The following CYP51A1 variants were observed in gnomAD, a reference collection of about 807,000 sequenced individuals.
CYP51A1 encodes the protein cytochrome P450 family 51 subfamily A member 1, also known as lanosterol 14-alpha demethylase.
A neutral mutation model predicts 53.5 loss-of-function variants in CYP51A1; 45 were observed. The observed-to-expected ratio is 0.84, with a 90% CI of 0.66 to 1.08. CYP51A1 has a LOEUF of 1.08. Ranked by LOEUF, CYP51A1 falls within the 50% of genes least tolerant of loss-of-function variation. CYP51A1 has a pLI of 0.00. For synonymous variants in CYP51A1, 181 were observed against 217.7 expected (o/e 0.83, Z 1.48); for missense variants, 462 against 621.7 (o/e 0.74, Z 2.73).
intron 7 of CYP51A1, 67 bp from the exon 8 acceptor site, chr7:92,118,682 A>C: frequency 1.1e-6 from 1 of 914,070 alleles, no homozygotes; most frequent in Non-Finnish European, 1.8e-6. Flanking sequence ...AAATTAGTTT[A>C]ACTTCTTAGT....
chr7:92,117,000 G>A (rs779302324), intron 9 of CYP51A1, 44 bp downstream of exon 9: 22 of 1,528,208 alleles, frequency 1.4e-5, no homozygotes, highest in Middle Eastern at 2.4e-4. Context: ...AGACAAATAT[G>A]TTATCAGAAC....
At chr7:92,125,928 G>A (rs943568706) in intron 5 of CYP51A1, among the ~76,000 whole-genome samples, 3 of 152,108 alleles carry the variant, frequency 2.0e-5, no homozygotes, top group African/African-American at 4.8e-5. Context: ...ACAGGAGGCA[G>A]AGACTGCAGT....
chr7:92,118,042 T>C (rs1189878092), intron 8 of CYP51A1, among the ~76,000 whole-genome samples: 3 of 151,930 alleles, frequency 2.0e-5, no homozygotes, highest in East Asian at 1.9e-4. Context: ...GGTAAAAATA[T>C]GTTTTTAGAG....
In CYP51A1 at chr7:92,134,353, C is replaced by T. The variant is rs371679799; in HGVS notation, c.12G>A (p.Ala4=). MAA[A]AGMLLLGLLQ... ...GCAAGCCCAGCAGCAGCATCCCAGCCGCCGCCGCCATTCACTCCGTCGGAA... is the reference window on the plus strand; with the variant it reads ...GCAAGCCCAGCAGCAGCATCCCAGCTGCCGCCGCCATTCACTCCGTCGGAA... The change falls in exon 1 of 10, where the codon GCG becomes GCA. Residue 4 remains alanine, a synonymous_variant. Coordinates refer to ENST00000003100, the MANE Select transcript of CYP51A1 (RefSeq NM_000786.4). The T allele has an allele frequency of 7.6e-6, 12 of 1,578,684 alleles. No homozygotes were observed. Among genetic ancestry groups the T allele is most frequent in the Non-Finnish European group, 9.5e-6 (11 of 1,159,218 alleles).
chr7:92,124,914 C>A (rs901020399), intron 5 of CYP51A1, among the ~76,000 whole-genome samples: 1 of 152,098 alleles, frequency 6.6e-6, no homozygotes, highest in Non-Finnish European at 1.5e-5. Context: ...GAGGCCGAGG[C>A]GGGCGGATCA....
At chr7:92,133,258 A>ATTTT (rs57353833) in intron 1 of CYP51A1, among the ~76,000 whole-genome samples, 13 of 146,228 alleles carry the variant, frequency 8.9e-5, no homozygotes, top group African/African-American at 3.0e-4. Context: ...GAAGAAAATG[A>ATTTT]TTTTTTTTTT....
At chr7:92,127,128 C>G (rs1819816513) in intron 4 of CYP51A1, among the ~76,000 whole-genome samples, 1 of 152,172 alleles carries the variant, frequency 6.6e-6, no homozygotes, top group Non-Finnish European at 1.5e-5. Context: ...ACATCAGTTT[C>G]TTGTATGGTT....
chr7:92,131,764 G>A lies in CYP51A1; in HGVS notation c.291+10C>T. On this transcript the variant is annotated intron_variant, in intron 2 of 9. Coordinates refer to ENST00000003100, the MANE Select transcript of CYP51A1 (RefSeq NM_000786.4). ...TTTTTTTTTTTCCTCTAATTATTTG[G>A]AAGACTTACCTTCTCATATGCATTT... The A allele has an allele frequency of 7.7e-7, 1 of 1,302,434 alleles. No individual in the cohort carries two copies. 80.7% of individuals were successfully genotyped at this position (1,302,434 alleles called of 1,614,324 possible).
chr7:92,118,723 A>C (rs1433633432), intron 7 of CYP51A1, 108 bp from the exon 8 acceptor site: 13 of 676,810 alleles, frequency 1.9e-5, no homozygotes, highest in Non-Finnish European at 3.5e-5. Context: ...TCCAGCTAAA[A>C]GTACAGAGGT....
intron 8 of CYP51A1, among the ~76,000 whole-genome samples, chr7:92,117,877 A>ACTC (rs1819609372): frequency 6.6e-6 from 1 of 151,902 alleles, no homozygotes; most frequent in South Asian, 2.1e-4. Context: ...AATCCCAGCT[A>ACTC]CTTGGGAGGC....
intron 3 of CYP51A1, among the ~76,000 whole-genome samples, chr7:92,128,461 T>TGTGTGTGTGTGTGTGTGTGC (rs1563181258): frequency 1.6e-4 from 22 of 137,462 alleles, no homozygotes; most frequent in African/African-American, 6.0e-4. Context: ...TGTGTGCGCG[T>TGTGTGTGTGTGTGTGTGTGC]GCGTGTGTGT....
At chr7:92,121,464 C>T (rs1345131532) in intron 7 of CYP51A1, among the ~76,000 whole-genome samples, 2 of 152,104 alleles carry the variant, frequency 1.3e-5, no homozygotes, top group Non-Finnish European at 2.9e-5. Flanking sequence ...CAATTCTACT[C>T]CTAGGTATGA....
At position 92,117,134 on chromosome 7, in the gene CYP51A1, A is replaced by G. The variant is rs1819594746; in HGVS notation, c.1261T>C (p.Trp421Arg). 1.9e-6 allele frequency: 3 copies of G among 1,614,106 alleles called. No individual in the cohort carries two copies. Among genetic ancestry groups the G allele is most frequent in the Non-Finnish European group, 2.5e-6 (3 of 1,179,970 alleles). ...PTVNQRLKDSWVERLDFNPDR... is the reference protein window; with the variant it reads ...PTVNQRLKDSRVERLDFNPDR... ...GGATTAAAGTCCAGGCGTTCTACCC[A>G]TGAGTCTTTAAGTCTTTGATTGACA... Residue 421 changes from tryptophan to arginine, a missense_variant, in exon 9 of 10, where the codon TGG (tryptophan) becomes CGG (arginine). Transcript: ENST00000003100.
chr7:92,132,970 A>T (rs1819954518), intron 1 of CYP51A1, among the ~76,000 whole-genome samples: 1 of 152,206 alleles, frequency 6.6e-6, no homozygotes, highest in Admixed American at 6.5e-5. Flanking sequence ...AGCTAATAGA[A>T]CTATCTTTAA....
chr7:92,119,301 A>G (rs905698451), intron 7 of CYP51A1, among the ~76,000 whole-genome samples: 5 of 152,192 alleles, frequency 3.3e-5, no homozygotes, highest in African/African-American at 7.2e-5. Flanking sequence ...ACACATATGT[A>G]TAAGACCATG....
chr7:92,116,126 G>C (rs1819575901), intron 9 of CYP51A1, among the ~76,000 whole-genome samples: 1 of 152,178 alleles, frequency 6.6e-6, no homozygotes, highest in Non-Finnish European at 1.5e-5. Context: ...TCAAAAATTA[G>C]CTGAGCGTGG....
At chr7:92,130,147 G>A (rs1002707219) in intron 2 of CYP51A1, among the ~76,000 whole-genome samples, 3 of 152,188 alleles carry the variant, frequency 2.0e-5, no homozygotes, top group Admixed American at 2.0e-4. Flanking sequence ...AAATATAGTT[G>A]TAATAAAATC....
chr7:92,121,150 C>T (rs982978838), intron 7 of CYP51A1, among the ~76,000 whole-genome samples: 6 of 151,848 alleles, frequency 4.0e-5, no homozygotes, highest in Admixed American at 6.6e-5. Context: ...ATTAGCCAGG[C>T]GTGGTGGTGT....
chr7:92,117,091 T>G lies in CYP51A1; in HGVS notation c.1304A>C (p.Asp435Ala). 6.2e-7 allele frequency: 1 copy of G among 1,614,004 alleles called. No homozygotes were observed. The highest frequency in any genetic ancestry group is 8.5e-7 in the Non-Finnish European group (1 of 1,179,984). Residue 435 changes from aspartate (D) to alanine (A), a missense_variant, in exon 9 of 10, where the codon GAT becomes GCT. Transcript: ENST00000003100. ...LDFNPDRYLQ[D>A]NPASGEKFAY... ...AAACTTTTCCCCTGATGCTGGGTTA[T>G]CCTGTAAGTAGCGATCAGGATTAAA...
Sources: gnomAD v4.1 joint callset for allele counts (sites outside exome capture counted in the v4.1 genomes callset) on GRCh38, gnomAD v4.1.1 for gene constraint, MANE v1.5 for transcripts, NCBI Gene and HGNC (gene_info 2026-07-23, HGNC 2026-07-21) for gene names.